PCDH7: variants seen among roughly 807,000 people sequenced by gnomAD.
The protein encoded by PCDH7 is protocadherin 7.
PCDH7 carries 17 observed loss-of-function variants against 58.9 expected under a neutral mutation model. That is an observed-to-expected ratio of 0.29 (90% CI 0.20 to 0.43). PCDH7 has a LOEUF of 0.43. Ranked by LOEUF, PCDH7 falls within the 20% of genes least tolerant of loss-of-function variation. The pLI, the probability that PCDH7 is intolerant of heterozygous loss-of-function variation, is 1.00. For synonymous variants in PCDH7, 664 were observed against 616.4 expected, an observed-to-expected ratio of 1.08 and a Z score of -1.14; for missense variants, 1,274 against 1,441.0, an observed-to-expected ratio of 0.88 and a Z score of 1.88.
chr4:30,818,073 T>C (rs572637916), intron 1 of PCDH7, among the ~76,000 whole-genome samples: 22 of 152,144 alleles, frequency 1.4e-4, no homozygotes, highest in Non-Finnish European at 2.9e-4. Context: ...GATCTGTACC[T>C]GCTTAGCCTT....
At chr4:30,782,899 G>A (rs533397250) in intron 1 of PCDH7, among the ~76,000 whole-genome samples, 4 of 152,286 alleles carry the variant, frequency 2.6e-5, no homozygotes, top group African/African-American at 9.6e-5. Flanking sequence ...CTTCAAGGGA[G>A]AAGGGCAAGG....
chr4:30,999,250 T>C (rs1752152769), intron 3 of PCDH7, among the ~76,000 whole-genome samples: 1 of 152,114 alleles, frequency 6.6e-6, no homozygotes, highest in Non-Finnish European at 1.5e-5. Context: ...TTCCCCTCCT[T>C]ATCAGGACAA....
intron 2 of PCDH7, among the ~76,000 whole-genome samples, chr4:30,933,206 T>C (rs1187029154): frequency 6.6e-6 from 1 of 152,002 alleles, no homozygotes; most frequent in Non-Finnish European, 1.5e-5. Context: ...TTTGTATTTT[T>C]AGTAGAGACA....
chr4:30,894,720 T>G (rs11939033), intron 1 of PCDH7, among the ~76,000 whole-genome samples: 2 of 149,866 alleles, frequency 1.3e-5, no homozygotes, highest in African/African-American at 4.9e-5. Flanking sequence ...TGTTTTTATA[T>G]GACCATGTGA....
Position 30,801,096 on chromosome 4 carries a change from C to A in PCDH7, c.70+76500C>A, listed in dbSNP as rs555996522. Among the ~76,000 whole-genome samples, 3 of 152,170 alleles carry A rather than the reference C, an allele frequency of 2.0e-5. 1 individual carries two copies. The highest frequency in any genetic ancestry group is 4.1e-4 in the South Asian group (2 of 4,822). Reference sequence around the variant, plus strand: ...TGCCCTTGGACACTGACCTTGGAGACAGATCAAGAAGCATATGGACAGAAG... The same window carrying A: ...TGCCCTTGGACACTGACCTTGGAGAAAGATCAAGAAGCATATGGACAGAAG... On this transcript the variant is annotated intron_variant, in intron 1 of 3. Transcript: ENST00000509759.
In PCDH7 at chr4:31,097,638, A is replaced by ATATAAAATC. The variant is rs370034723; in HGVS notation, c.*8-44835_*8-44834insTATAAAATC. Among the ~76,000 whole-genome samples, 593 of 79,172 alleles carry ATATAAAATC rather than the reference A, an allele frequency of 7.5e-3. 126 individuals carry two copies. Among genetic ancestry groups the ATATAAAATC allele is most frequent in the African/African-American group, 0.024 (418 of 17,314 alleles). 51.9% of individuals were successfully genotyped at this position (79,172 alleles called of 152,430 possible). On this transcript the variant is annotated intron_variant, in intron 3 of 3. Transcript: ENST00000509759. ...TATATATATATATATATATATATAT[A>ATATAAAATC]AATCTTTTTTCTGTAATTTCTGTAA... is the stretch of plus-strand genomic sequence containing the variant.
intron 1 of PCDH7, among the ~76,000 whole-genome samples, chr4:30,905,442 A>G (rs1207371273): frequency 6.7e-6 from 1 of 148,172 alleles, no homozygotes; most frequent in Non-Finnish European, 1.5e-5. Context: ...TGAGCTTTTG[A>G]TGATTATCAC....
At chr4:31,086,267 T>G (rs1712420553) in intron 3 of PCDH7, among the ~76,000 whole-genome samples, 1 of 152,162 alleles carries the variant, frequency 6.6e-6, no homozygotes, top group Non-Finnish European at 1.5e-5. Context: ...TTATTTGTTT[T>G]AAATAAAGAA....
chr4:30,985,917 A>G (rs1750925589), intron 3 of PCDH7, among the ~76,000 whole-genome samples: 7 of 152,152 alleles, frequency 4.6e-5, no homozygotes, highest in Admixed American at 4.6e-4. Context: ...TAGATTTAAA[A>G]TAACAACAAT....
intron 1 of PCDH7, among the ~76,000 whole-genome samples, chr4:30,835,922 T>C (rs1305004304): frequency 1.3e-5 from 2 of 152,162 alleles, no homozygotes; most frequent in African/African-American, 4.8e-5. Context: ...TCACAACATA[T>C]GAAAAAGAAG....
Position 30,723,822 on chromosome 4 carries a change from G to C in PCDH7, c.2400G>C (p.Val800=), listed in dbSNP as rs373019062. 1 of 1,613,952 alleles carries C rather than the reference G, an allele frequency of 6.2e-7. No homozygotes were observed. The highest frequency in any genetic ancestry group is 8.5e-7 in the Non-Finnish European group (1 of 1,180,028). ...TTGAAATTGATCCCACTAGTGGTGTGGTTTCCTTAGTGGGAAAACTCACCC... is the reference window on the plus strand; with the variant it reads ...TTGAAATTGATCCCACTAGTGGTGTCGTTTCCTTAGTGGGAAAACTCACCC... Residue 800 remains valine (V), a synonymous_variant, in exon 1 of 2, where the codon GTG becomes GTC. Transcript: ENST00000361762. This position sits in a 1 kb window ranked among gnomAD's most constrained non-coding sequence, Gnocchi z 4.6.
rs137928232 is a variant in PCDH7, at chr4:30,787,313, G to A, written c.70+62717G>A. Among the ~76,000 whole-genome samples, 582 of 152,196 alleles carry A rather than the reference G, an allele frequency of 3.8e-3. 7 individuals are homozygous for A. The highest frequency in any genetic ancestry group is 0.012 in the African/African-American group (516 of 41,568). On this transcript the variant is annotated intron_variant, in intron 1 of 3. Coordinates refer to the PCDH7 transcript ENST00000509759. ...CTAGATCAACAAAGAAAATGGAAAT[G>A]TATACCTCAGGATTGAAATCCGAGA...
intron 1 of PCDH7, among the ~76,000 whole-genome samples, chr4:30,900,560 A>T (rs898764411): frequency 8.5e-5 from 13 of 152,186 alleles, no homozygotes; most frequent in Non-Finnish European, 1.6e-4. Context: ...TAATACATCA[A>T]TACTCTTCTT....
At chr4:30,796,229 G>T (rs1436422425) in intron 1 of PCDH7, among the ~76,000 whole-genome samples, 1 of 152,012 alleles carries the variant, frequency 6.6e-6, no homozygotes, top group Admixed American at 6.6e-5. Context: ...CTTATTAACT[G>T]GTTTTTCAAA....
At chr4:30,931,113 G>T (rs1193573025) in intron 2 of PCDH7, among the ~76,000 whole-genome samples, 1 of 152,166 alleles carries the variant, frequency 6.6e-6, no homozygotes, top group Non-Finnish European at 1.5e-5. Flanking sequence ...TTAATGAAGA[G>T]AGTTAGGACA....
At chr4:30,849,231 C>T (rs1732392375) in intron 1 of PCDH7, among the ~76,000 whole-genome samples, 1 of 152,038 alleles carries the variant, frequency 6.6e-6, no homozygotes, top group Non-Finnish European at 1.5e-5. Context: ...AGAACACTGA[C>T]CTCCCTCTCC....
Position 31,054,748 on chromosome 4 carries a change from G to A in PCDH7, c.*8-87725G>A, listed in dbSNP as rs143429401. 1.3e-3 allele frequency among the ~76,000 whole-genome samples: 199 copies of A among 152,230 alleles called. 5 individuals carry two copies. In the South Asian group the frequency reaches 0.024, roughly 18 times the overall value. On this transcript the variant is annotated intron_variant, in intron 3 of 3. Coordinates refer to the PCDH7 transcript ENST00000509759. ...GCAGAGTGATGAAAGATGCCAAACAGGTGTGCTAATATCTGGTCTAGTATG... is the reference window on the plus strand; with the variant it reads ...GCAGAGTGATGAAAGATGCCAAACAAGTGTGCTAATATCTGGTCTAGTATG...
chr4:30,864,799 C>A (rs1231080442), intron 1 of PCDH7, among the ~76,000 whole-genome samples: 2 of 151,928 alleles, frequency 1.3e-5, no homozygotes, highest in African/African-American at 2.4e-5. Flanking sequence ...TTCTCACAGG[C>A]TGGATTAGGG....
intron 1 of PCDH7, among the ~76,000 whole-genome samples, chr4:30,836,892 C>T (rs1398787813): frequency 2.6e-5 from 4 of 152,098 alleles, no homozygotes; most frequent in South Asian, 2.1e-4. Context: ...ACAGCCAAGC[C>T]GAGTGCCTTA....
Sources: allele counts gnomAD v4.1 joint callset (sites outside exome capture counted in the v4.1 genomes callset), GRCh38; gene constraint gnomAD v4.1.1; non-coding constraint Gnocchi (gnomAD v3.1); transcripts MANE v1.5; gene names NCBI Gene and HGNC (gene_info 2026-07-23, HGNC 2026-07-21).